The following VHL variants were observed in gnomAD, a reference collection of about 807,000 sequenced individuals.
The protein encoded by VHL is von Hippel-Lindau tumor suppressor.
Under a neutral mutation model 19.2 loss-of-function variants are expected in VHL, and 10 were observed. The ratio of observed to expected loss-of-function variants is 0.52; its 90% CI spans 0.32 to 0.89. VHL has a LOEUF of 0.89. Ranked by LOEUF, VHL falls within the 40% of genes least tolerant of loss-of-function variation. The pLI is 0.03. For synonymous variants in VHL, 167 were observed against 129.5 expected (o/e 1.29, Z -1.97); for missense variants, 328 against 292.7 (o/e 1.12, Z -0.88).
In VHL at chr3:10,152,755, G is replaced by A. The variant is rs2600015; in HGVS notation, c.*2790G>A. On this transcript the variant is annotated 3_prime_UTR_variant, in exon 3 of 3. Coordinates refer to ENST00000256474, the MANE Select transcript of VHL (RefSeq NM_000551.4). Reference sequence around the variant, plus strand: ...TCCACCCACCTCAGCCTCCCAAAGTGCTGGGATTACAGGTGTGAGCCACCG... The same window carrying A: ...TCCACCCACCTCAGCCTCCCAAAGTACTGGGATTACAGGTGTGAGCCACCG... Among the ~76,000 whole-genome samples the A allele has an allele frequency of 6.6e-6, 1 of 151,470 alleles. No individual in the cohort carries two copies. The highest frequency in any genetic ancestry group is 6.6e-5 in the Admixed American group (1 of 15,196).
At chr3:10,147,141 A>C (rs1696280685) in intron 2 of VHL, among the ~76,000 whole-genome samples, 1 of 151,576 alleles carries the variant, frequency 6.6e-6, no homozygotes, top group African/African-American at 2.4e-5. Context: ...CCTCCCGAGT[A>C]GCTGGGACTA....
intron 2 of VHL, among the ~76,000 whole-genome samples, chr3:10,149,441 C>G (rs1696345581): frequency 6.6e-6 from 1 of 152,256 alleles, no homozygotes; most frequent in Admixed American, 6.5e-5. Flanking sequence ...TGTGGTCTCT[C>G]TAGCAGGGTA....
rs1476205556 is a variant in VHL at position 10,141,841 on chromosome 3, G to C, written c.-7G>C. 1 of 1,535,612 alleles carries C rather than the reference G, an allele frequency of 6.5e-7. No individual in the cohort carries two copies. ...GTCCGGCCCGGGTGGTCTGGATCGC[G>C]GAGGGAATGCCCCGGAGGGCGGAGA... On this transcript the variant is annotated 5_prime_UTR_variant, in exon 1 of 3. Transcript: ENST00000256474.
In VHL at chr3:10,153,448, C is replaced by CA. The variant is rs112494627; in HGVS notation, c.*3493dup. The stretch of plus-strand genomic sequence containing the variant: ...CCATCTCAAAAAGAAACCAAAAAAA[C>CA]AAAAAAAAAACATGCCGTTTGAGTA... On this transcript the variant is annotated 3_prime_UTR_variant, in exon 3 of 3. Transcript: ENST00000256474. 1.5e-3 allele frequency among the ~76,000 whole-genome samples: 218 copies of CA among 143,232 alleles called. 1 individual carries two copies. The highest frequency in any genetic ancestry group is 6.9e-3 in the Middle Eastern group (2 of 290). 94.0% of individuals were successfully genotyped at this position (143,232 alleles called of 152,430 possible). A position where few individuals can be genotyped will look rare whatever the true frequency, so the allele number is the denominator to read the frequency against.
chr3:10,149,145 C>T (rs1438513823), intron 2 of VHL, among the ~76,000 whole-genome samples: 1 of 150,010 alleles, frequency 6.7e-6, no homozygotes, highest in Non-Finnish European at 1.5e-5. Context: ...TAGGGTCTCA[C>T]TCTGTCACCC....
intron 1 of VHL, chr3:10,143,150 C>G (rs1696168970): frequency 6.6e-6 from 1 of 151,198 alleles, no homozygotes; most frequent in African/African-American, 2.4e-5. Flanking sequence ...GAGTCTTGCT[C>G]TGCAAGCTGG....
Position 10,150,138 on chromosome 3 carries a change from T to G in VHL, c.*173T>G. On this transcript the variant is annotated 3_prime_UTR_variant, in exon 3 of 3. Coordinates refer to ENST00000256474, the MANE Select transcript of VHL (RefSeq NM_000551.4). ...CTGACTTCACTAGGCATTGTGATGTTTAGGGGCAAACATCACAAAATGTAA... is the reference window on the plus strand; with the variant it reads ...CTGACTTCACTAGGCATTGTGATGTGTAGGGGCAAACATCACAAAATGTAA... 2.0e-6 allele frequency: 3 copies of G among 1,487,978 alleles called. No individual in the cohort carries two copies. Among genetic ancestry groups the G allele is most frequent in the Non-Finnish European group, 2.7e-6 (3 of 1,120,128 alleles). The allele number at this position is 1,487,978 out of a possible 1,614,324, so 92.2% of individuals were successfully genotyped here. A position where few individuals can be genotyped will look rare whatever the true frequency, so the allele number is the denominator to read the frequency against.
At position 10,141,952 on chromosome 3, in the gene VHL, C is replaced by G. The variant is rs1310829877; in HGVS notation, c.105C>G (p.Ala35=). The change falls in exon 1 of 3, where the codon GCC becomes GCG. Residue 35 remains alanine, a synonymous_variant. Coordinates refer to ENST00000256474, the MANE Select transcript of VHL (RefSeq NM_000551.4). ...PEEDGGEESG[A]EESGPEESGP... is the part of the protein sequence containing the mutation. ...AAGACGGCGGGGAGGAGTCGGGCGC[C>G]GAGGAGTCCGGCCCGGAAGAGTCCG... 1.3e-6 allele frequency: 2 copies of G among 1,544,916 alleles called. No individual in the cohort carries two copies. The highest frequency in any genetic ancestry group is 2.7e-5 in the African/African-American group (2 of 72,734).
Position 10,152,588 on chromosome 3 carries a change from G to A in VHL, c.*2623G>A, listed in dbSNP as rs1051268292. Reference sequence around the variant, plus strand: ...GCTCACTACAAGCTCTGCCTCCCGAGTTCAAGTGATTCTCCTGGCTCACCC... The same window carrying A: ...GCTCACTACAAGCTCTGCCTCCCGAATTCAAGTGATTCTCCTGGCTCACCC... On this transcript the variant is annotated 3_prime_UTR_variant, in exon 3 of 3. Transcript: ENST00000256474. Among the ~76,000 whole-genome samples, 21 of 135,888 alleles carry A rather than the reference G, an allele frequency of 1.5e-4. No individual in the cohort carries two copies. The highest frequency in any genetic ancestry group is 5.9e-4 in the African/African-American group (21 of 35,332). 89.1% of individuals were successfully genotyped at this position (135,888 alleles called of 152,430 possible).
intron 1 of VHL, 58 bp downstream of exon 1, chr3:10,142,245 C>T (rs2125125519): frequency 6.5e-7 from 1 of 1,547,862 alleles, no homozygotes; most frequent in South Asian, 1.2e-5. Flanking sequence ...TCTGAAGCCC[C>T]TCTACCGCCC....
In VHL at chr3:10,150,206, G is replaced by C. The variant is rs1696375527; in HGVS notation, c.*241G>C. The C allele has an allele frequency of 1.6e-5, 22 of 1,370,872 alleles. No homozygotes were observed. Among genetic ancestry groups the C allele is most frequent in the Non-Finnish European group, 2.1e-5 (22 of 1,059,048 alleles). The allele number at this position is 1,370,872 out of a possible 1,614,324, so 84.9% of individuals were successfully genotyped here. ...AGAGAAGTATTTATCAGGAGAAGGT[G>C]GTGGCATTTTTGCTTCCTAGTAAGT... On this transcript the variant is annotated 3_prime_UTR_variant, in exon 3 of 3. Transcript: ENST00000256474.
At chr3:10,143,664 GTC>G (rs1392690276) in intron 1 of VHL, among the ~76,000 whole-genome samples, 1 of 151,784 alleles carries the variant, frequency 6.6e-6, no homozygotes, top group Non-Finnish European at 1.5e-5. Context: ...GGCCAGGATG[GTC>G]TCCATCTCCT....
In VHL at chr3:10,151,050, T is replaced by C. The variant is rs1696397431; in HGVS notation, c.*1085T>C. 1 of 189,224 alleles carries C rather than the reference T, an allele frequency of 5.3e-6. No homozygotes were observed. Among genetic ancestry groups the C allele is most frequent in the Admixed American group, 6.2e-5 (1 of 16,232 alleles). 11.7% of individuals were successfully genotyped at this position (189,224 alleles called of 1,614,324 possible). A position where few individuals can be genotyped will look rare whatever the true frequency, so the allele number is the denominator to read the frequency against. ...CGCCTGCCACCACGCTGGCCAATTT[T>C]TGTACTTTTAGTAGAGACAGTGTTT... On this transcript the variant is annotated 3_prime_UTR_variant, in exon 3 of 3. Coordinates refer to ENST00000256474, the MANE Select transcript of VHL (RefSeq NM_000551.4).
Position 10,146,651 on chromosome 3 carries a change from C to G in VHL, c.463+15C>G, listed in dbSNP as rs761828544. 3 of 1,612,880 alleles carry G rather than the reference C, an allele frequency of 1.9e-6. No individual in the cohort carries two copies. The highest frequency in any genetic ancestry group is 1.1e-5 in the South Asian group (1 of 91,072). On this transcript the variant is annotated intron_variant, in intron 2 of 2. Coordinates refer to ENST00000256474, the MANE Select transcript of VHL (RefSeq NM_000551.4). ...CACACTGCCAGGTACTGACGTTTTA[C>G]TTTTTAAAAAGATAAGGTTGTTGTG...
intron 2 of VHL, among the ~76,000 whole-genome samples, chr3:10,146,914 C>A (rs1193508072): frequency 6.6e-6 from 1 of 152,166 alleles, no homozygotes; most frequent in Non-Finnish European, 1.5e-5. Flanking sequence ...TGTAGAATTA[C>A]GAATGCCTTT....
intron 1 of VHL, among the ~76,000 whole-genome samples, chr3:10,145,810 A>C (rs993490204): frequency 1.3e-5 from 2 of 152,010 alleles, no homozygotes; most frequent in African/African-American, 4.8e-5. Flanking sequence ...ATGTTTTTGC[A>C]CTTCCTTGTT....
At chr3:10,148,516 G>T (rs1351188824) in intron 2 of VHL, among the ~76,000 whole-genome samples, 1 of 150,778 alleles carries the variant, frequency 6.6e-6, no homozygotes, top group Non-Finnish European at 1.5e-5. Context: ...GGGTTTCACC[G>T]TTTTAGCCGG....
chr3:10,150,068 T>C lies in VHL; in HGVS notation c.*103T>C. On this transcript the variant is annotated 3_prime_UTR_variant, in exon 3 of 3. Transcript: ENST00000256474. ...GTTCCTTCCTTAGTTTCAAAGTGTC[T>C]CATTCTCAGAGTAAAATAGGCACCA... The C allele has an allele frequency of 6.5e-7, 1 of 1,546,912 alleles. No homozygotes were observed. Among genetic ancestry groups the C allele is most frequent in the Non-Finnish European group, 8.7e-7 (1 of 1,145,138 alleles).
At chr3:10,148,245 T>C (rs1681660) in intron 2 of VHL, among the ~76,000 whole-genome samples, 135,262 of 151,688 alleles carry the variant, frequency 0.89, 60,459 homozygotes, top group African/African-American at 0.94. Context: ...CCTTATAGAA[T>C]ACCCTCGAGT....
Sources: gnomAD v4.1 joint callset for allele counts (sites outside exome capture counted in the v4.1 genomes callset) on GRCh38, gnomAD v4.1.1 for gene constraint, MANE v1.5 for transcripts, NCBI Gene and HGNC (gene_info 2026-07-23, HGNC 2026-07-21) for gene names.